Variants in NKAIN2 observed in about 807,000 individuals in gnomAD.
The protein encoded by NKAIN2 is sodium/potassium transporting ATPase interacting 2, also known as sodium/potassium-transporting ATPase subunit beta-1-interacting protein 2.
Under a neutral mutation model 32.6 loss-of-function variants are expected in NKAIN2, and 14 were observed. That is an observed-to-expected ratio of 0.43 (90% CI 0.28 to 0.67). The LOEUF is 0.67. Among genes scored for constraint, NKAIN2 ranks in the 30% least tolerant of loss-of-function variants. The pLI is 0.17. For missense variants in NKAIN2, 198 were observed against 258.3 expected (o/e 0.77, Z 1.60); for synonymous variants, 80 against 87.2 (o/e 0.92, Z 0.46).
chr6:124,526,558 G>T (rs1779321512), intron 3 of NKAIN2, among the ~76,000 whole-genome samples: 2 of 152,096 alleles, frequency 1.3e-5, no homozygotes, highest in African/African-American at 4.8e-5. Flanking sequence ...CTGAAAAAAA[G>T]ATAATAGAAC....
chr6:124,622,155 C>G (rs1166206406), intron 3 of NKAIN2, among the ~76,000 whole-genome samples: 1 of 152,178 alleles, frequency 6.6e-6, no homozygotes, highest in Non-Finnish European at 1.5e-5. Flanking sequence ...CTTGCTTCTT[C>G]TAGCTTTGAT....
rs1271382500 is a variant in NKAIN2 at position 123,941,831 on chromosome 6, A to G, written c.54+137577A>G. Reference sequence around the variant, plus strand: ...CGTCAATTCTTCCCTTTCCTGTCATACTTTAGGCATGCACCCATAAATTGT... The same window carrying G: ...CGTCAATTCTTCCCTTTCCTGTCATGCTTTAGGCATGCACCCATAAATTGT... On this transcript the variant is annotated intron_variant, in intron 1 of 6. Coordinates refer to ENST00000368417, the MANE Select transcript of NKAIN2 (RefSeq NM_001040214.3). Among the ~76,000 whole-genome samples the G allele has an allele frequency of 2.0e-5, 3 of 151,852 alleles. No homozygotes were observed. In the East Asian group the frequency reaches 5.8e-4, roughly 30 times the overall value.
chr6:124,489,353 A>T (rs1777772210), intron 3 of NKAIN2, among the ~76,000 whole-genome samples: 1 of 151,906 alleles, frequency 6.6e-6, no homozygotes, highest in Non-Finnish European at 1.5e-5. Context: ...TCAAATGTTT[A>T]TCACCTTCAA....
chr6:124,614,536 A>T (rs1782810416), intron 3 of NKAIN2, among the ~76,000 whole-genome samples: 1 of 152,192 alleles, frequency 6.6e-6, no homozygotes, highest in Non-Finnish European at 1.5e-5. Context: ...TAAACTCACA[A>T]AATAATTCCC....
chr6:123,968,244 A>G (rs1291642254), intron 1 of NKAIN2, among the ~76,000 whole-genome samples: 1 of 152,188 alleles, frequency 6.6e-6, no homozygotes, highest in African/African-American at 2.4e-5. Context: ...CTGAGAGCAA[A>G]GAGAAAGAGG....
chr6:124,728,930 C>G (rs1175879039), intron 4 of NKAIN2, among the ~76,000 whole-genome samples: 4 of 150,222 alleles, frequency 2.7e-5, no homozygotes, highest in Admixed American at 2.0e-4. Context: ...CTACAAACAC[C>G]TCTACGCAAA....
intron 3 of NKAIN2, among the ~76,000 whole-genome samples, chr6:124,362,549 T>C (rs147254833): frequency 3.5e-4 from 53 of 152,312 alleles, no homozygotes; most frequent in African/African-American, 1.1e-3. Context: ...CTCCATTCTT[T>C]TTCTTGAAAA....
chr6:124,462,212 G>A (rs1776559992), intron 3 of NKAIN2, among the ~76,000 whole-genome samples: 1 of 151,754 alleles, frequency 6.6e-6, no homozygotes, highest in Non-Finnish European at 1.5e-5. Context: ...GGAAGAGAAG[G>A]AAAGAGAGTA....
chr6:124,758,164 A>G (rs1276707258), intron 4 of NKAIN2, among the ~76,000 whole-genome samples: 1 of 152,116 alleles, frequency 6.6e-6, no homozygotes, highest in Non-Finnish European at 1.5e-5. Context: ...CTGAAATGCT[A>G]TCAGCAGTCC....
intron 1 of NKAIN2, among the ~76,000 whole-genome samples, chr6:123,821,911 A>G (rs1339614154): frequency 6.6e-6 from 1 of 152,126 alleles, no homozygotes; most frequent in African/African-American, 2.4e-5. Context: ...GAAGTCAATT[A>G]TTATGCACAC....
At chr6:123,835,946 C>T (rs990824919) in intron 1 of NKAIN2, among the ~76,000 whole-genome samples, 10 of 151,902 alleles carry the variant, frequency 6.6e-5, no homozygotes, top group African/African-American at 1.5e-4. Context: ...ACCTGTAAAA[C>T]GTTCATTAAA....
intron 3 of NKAIN2, among the ~76,000 whole-genome samples, chr6:124,599,345 T>A (rs1583498209): frequency 1.3e-5 from 2 of 151,720 alleles, no homozygotes; most frequent in East Asian, 3.9e-4. Context: ...ATCCTCTGTT[T>A]AAAAAAAAAT....
intron 1 of NKAIN2, among the ~76,000 whole-genome samples, chr6:124,142,747 T>A (rs1787206738): frequency 6.6e-6 from 1 of 152,260 alleles, no homozygotes; most frequent in Non-Finnish European, 1.5e-5. Flanking sequence ...ATTAGGGGAT[T>A]ACTATATTCT....
intron 1 of NKAIN2, among the ~76,000 whole-genome samples, chr6:124,277,696 T>G (rs190909556): frequency 5.3e-5 from 8 of 152,286 alleles, no homozygotes; most frequent in Admixed American, 5.2e-4. Flanking sequence ...TCTTCTCTCT[T>G]TCTTCAAAAA....
At chr6:124,263,496 T>C (rs1025183036) in intron 1 of NKAIN2, among the ~76,000 whole-genome samples, 1 of 152,210 alleles carries the variant, frequency 6.6e-6, no homozygotes, top group African/African-American at 2.4e-5. Context: ...TCTGTACCTA[T>C]ATTTCTCCTG....
At chr6:124,483,316 T>C (rs1777530929) in intron 3 of NKAIN2, among the ~76,000 whole-genome samples, 1 of 152,168 alleles carries the variant, frequency 6.6e-6, no homozygotes, top group Non-Finnish European at 1.5e-5. Context: ...GTATTTTGCA[T>C]CTATGTGCCA....
intron 1 of NKAIN2, among the ~76,000 whole-genome samples, chr6:123,928,798 T>C (rs1776125560): frequency 6.6e-6 from 1 of 152,142 alleles, no homozygotes; most frequent in South Asian, 2.1e-4. Flanking sequence ...CCCAGAGTCA[T>C]GGATGAAAAC....
At chr6:124,731,501 T>C (rs62433664) in intron 4 of NKAIN2, among the ~76,000 whole-genome samples, 53,574 of 132,600 alleles carry the variant, frequency 0.4, 11,143 homozygotes, top group Non-Finnish European at 0.47. Context: ...TAGGTGGGAA[T>C]TGAACAATGA....
intron 1 of NKAIN2, among the ~76,000 whole-genome samples, chr6:124,240,733 A>G (rs541942004): frequency 6.6e-6 from 1 of 152,334 alleles, no homozygotes; most frequent in Non-Finnish European, 1.5e-5. Flanking sequence ...CTAGGTATTG[A>G]TGGAATGTAT....
Sources: gnomAD v4.1 joint callset for allele counts (sites outside exome capture counted in the v4.1 genomes callset) on GRCh38, gnomAD v4.1.1 for gene constraint, MANE v1.5 for transcripts, NCBI Gene and HGNC (gene_info 2026-07-23, HGNC 2026-07-21) for gene names.